The following ACTR3C variants were observed in gnomAD, a reference collection of about 807,000 sequenced individuals.
ACTR3C encodes the protein actin related protein 3C, also known as actin-related protein 3C.
Under a neutral mutation model 26.3 loss-of-function variants are expected in ACTR3C, and 18 were observed. The observed-to-expected ratio is 0.68, with a 90% confidence interval of 0.47 to 1.01. ACTR3C has a LOEUF of 1.01. Ranked by LOEUF, ACTR3C falls within the 50% of genes least tolerant of loss-of-function variation. The pLI is 0.00. For synonymous variants in ACTR3C, 55 were observed against 94.5 expected (o/e 0.58, Z 2.42); for missense variants, 184 against 250.7 (o/e 0.73, Z 1.80).
At chr7:149,981,199 C>A in the ACTR3C span, among the ~76,000 whole-genome samples, 155 of 152,172 alleles carry the variant, frequency 1.0e-3, no homozygotes, top group Non-Finnish European at 3.5e-4. Context: ...ATGGACACAC[C>A]GCAACAAGTA....
the ACTR3C span, among the ~76,000 whole-genome samples, chr7:150,058,974 G>A: frequency 6.6e-6 from 1 of 152,036 alleles, no homozygotes; most frequent in South Asian, 2.1e-4. Flanking sequence ...TGTTTGCAAG[G>A]ATGCACACCT....
chr7:150,299,487 AAAAAAAAC>A (rs1795246510), intron 1 of ACTR3C, among the ~76,000 whole-genome samples: 1 of 143,718 alleles, frequency 7.0e-6, no homozygotes, highest in Admixed American at 6.8e-5. Flanking sequence ...AAAAAAAAAA[AAAAAAAAC>A]AAAAAACAGG....
chr7:150,076,120 G>A, the ACTR3C span, among the ~76,000 whole-genome samples: 1 of 151,734 alleles, frequency 6.6e-6, no homozygotes, highest in Non-Finnish European at 1.5e-5. Context: ...ACCTTTCAAA[G>A]GCATCCCTTG....
At chr7:150,089,740 G>C in the ACTR3C span, among the ~76,000 whole-genome samples, 1 of 152,184 alleles carries the variant, frequency 6.6e-6, no homozygotes, top group Non-Finnish European at 1.5e-5. Context: ...GATCAGGATG[G>C]GGGCCAGATG....
chr7:150,284,700 TG>T, intron 6 of ACTR3C, 52 bp downstream of exon 6: 1 of 1,414,722 alleles, frequency 7.1e-7, no homozygotes, highest in South Asian at 1.4e-5. Context: ...CTAAGAATTA[TG>T]GGCCTTTAAT....
chr7:150,233,014 G>C, the ACTR3C span, among the ~76,000 whole-genome samples: 1 of 151,876 alleles, frequency 6.6e-6, no homozygotes, highest in Non-Finnish European at 1.5e-5. Context: ...AATAAGAAAA[G>C]AAAAAAAGAT....
At chr7:149,899,093 C>T in the ACTR3C span, among the ~76,000 whole-genome samples, 25,407 of 150,930 alleles carry the variant, frequency 0.17, 2,328 homozygotes, top group South Asian at 0.35. Flanking sequence ...GAAGTGGTAT[C>T]CCCATTCCCC....
rs544589350 is a variant in ACTR3C at position 150,274,541 on chromosome 7, A to G, written c.564+10212T>C. Among the ~76,000 whole-genome samples, 12 of 152,304 alleles carry G rather than the reference A, an allele frequency of 7.9e-5. No homozygotes were observed. In the South Asian group the frequency reaches 2.3e-3, roughly 29 times the overall value. ...ACTGAACCCACAAAATCTCCAAGTTATGCCTGTAGTAATATCTATCACATA... is the reference window on the plus strand; with the variant it reads ...ACTGAACCCACAAAATCTCCAAGTTGTGCCTGTAGTAATATCTATCACATA... On this transcript the variant is annotated intron_variant, in intron 6 of 7. Transcript: ENST00000683684. The surrounding 1 kb of genome is among the most constrained non-coding windows in gnomAD (Gnocchi z 4.1).
At chr7:150,283,358 T>G (rs1000615155) in intron 6 of ACTR3C, among the ~76,000 whole-genome samples, 4 of 150,150 alleles carry the variant, frequency 2.7e-5, no homozygotes, top group African/African-American at 1.0e-4. Context: ...TCTTTGTATT[T>G]TGTATTAGAC....
the ACTR3C span, among the ~76,000 whole-genome samples, chr7:150,029,757 A>T: frequency 6.6e-6 from 1 of 152,120 alleles, no homozygotes. Flanking sequence ...TGCCCTGCCC[A>T]TCTCCGAGGG....
intron 2 of ACTR3C, among the ~76,000 whole-genome samples, chr7:150,294,653 C>G (rs190963391): frequency 3.3e-4 from 50 of 152,224 alleles, no homozygotes; most frequent in Non-Finnish European, 5.9e-5. Context: ...TTCTATGGAA[C>G]TTTTCCTCCT....
At chr7:149,967,901 C>T in the ACTR3C span, among the ~76,000 whole-genome samples, 140,076 of 151,984 alleles carry the variant, frequency 0.92, 65,148 homozygotes, top group Non-Finnish European at 0.99. Context: ...CGGGGGGTGG[C>T]GGGTTTTTAA....
chr7:150,034,384 G>C, the ACTR3C span, among the ~76,000 whole-genome samples: 2 of 151,602 alleles, frequency 1.3e-5, no homozygotes, highest in Non-Finnish European at 1.5e-5. Flanking sequence ...GTCAGATCGG[G>C]TAGCCCCAGG....
the ACTR3C span, among the ~76,000 whole-genome samples, chr7:150,037,912 C>T: frequency 8.1e-4 from 108 of 133,722 alleles, 7 homozygotes; most frequent in South Asian, 2.4e-3. Flanking sequence ...TCTCAGTCCC[C>T]GCGTCGCGAG....
chr7:150,171,972 T>C, the ACTR3C span, among the ~76,000 whole-genome samples: 1 of 150,496 alleles, frequency 6.6e-6, no homozygotes, highest in East Asian at 1.9e-4. Context: ...CCACCACACC[T>C]AGCTAATTTT....
chr7:149,921,198 T>C, the ACTR3C span, among the ~76,000 whole-genome samples: 1 of 152,214 alleles, frequency 6.6e-6, no homozygotes, highest in East Asian at 1.9e-4. Context: ...TATTTATTAA[T>C]GTTACATCTG....
At chr7:149,949,952 C>T in the ACTR3C span, among the ~76,000 whole-genome samples, 1 of 143,372 alleles carries the variant, frequency 7.0e-6, no homozygotes, top group Non-Finnish European at 1.5e-5. Context: ...CAAAGCAGAC[C>T]CAGTCGCACT....
intron 6 of ACTR3C, among the ~76,000 whole-genome samples, chr7:150,283,356 T>C (rs2531074): frequency 9.5e-4 from 139 of 146,840 alleles, no homozygotes; most frequent in African/African-American, 3.5e-3. Flanking sequence ...TTTCTTTGTA[T>C]TTTGTATTAG....
At chr7:149,933,326 C>T in the ACTR3C span, among the ~76,000 whole-genome samples, 7 of 151,156 alleles carry the variant, frequency 4.6e-5, no homozygotes, top group South Asian at 6.3e-4. Context: ...GCAAATCTGG[C>T]GATCTTATTG....
Sources: allele counts gnomAD v4.1 joint callset (sites outside exome capture counted in the v4.1 genomes callset), GRCh38; gene constraint gnomAD v4.1.1; non-coding constraint Gnocchi (gnomAD v3.1); transcripts MANE v1.5; gene names NCBI Gene and HGNC (gene_info 2026-07-23, HGNC 2026-07-21).